TANC1: variants seen among roughly 807,000 people sequenced by gnomAD.
TANC1 encodes the protein tetratricopeptide repeat, ankyrin repeat and coiled-coil containing 1.
A neutral mutation model predicts 149.7 loss-of-function variants in TANC1; 77 were observed. The observed-to-expected ratio is 0.51, with a 90% CI of 0.43 to 0.62. TANC1 has a LOEUF of 0.62. Among genes scored for constraint, TANC1 ranks in the 20% least tolerant of loss-of-function variants. The pLI is 0.00. For missense variants in TANC1, 1,985 were observed against 2,321.8 expected (o/e 0.85, Z 2.98); for synonymous variants, 854 against 925.0 (o/e 0.92, Z 1.39).
intron 4 of TANC1, among the ~76,000 whole-genome samples, chr2:159,099,513 A>G (rs1467342210): frequency 6.6e-6 from 1 of 152,000 alleles, no homozygotes; most frequent in East Asian, 1.9e-4. Context: ...AAAAAACAAA[A>G]CAAAACAAAA....
intron 23 of TANC1, 40 bp downstream of exon 23, chr2:159,224,404 A>C: frequency 6.2e-7 from 1 of 1,612,786 alleles, no homozygotes; most frequent in Non-Finnish European, 8.5e-7. Flanking sequence ...AGGAGCGGTG[A>C]GCTCCCGATT....
intron 19 of TANC1, among the ~76,000 whole-genome samples, chr2:159,215,349 T>C (rs889107362): frequency 6.6e-6 from 1 of 152,196 alleles, no homozygotes; most frequent in Non-Finnish European, 1.5e-5. Flanking sequence ...CGGTAGAGAC[T>C]GTTCAGTAGG....
intron 4 of TANC1, among the ~76,000 whole-genome samples, chr2:159,099,874 C>T (rs981521856): frequency 3.3e-5 from 5 of 152,134 alleles, no homozygotes; most frequent in Non-Finnish European, 7.3e-5. Flanking sequence ...TCAACTCTTT[C>T]CCTAACTGCA....
intron 19 of TANC1, among the ~76,000 whole-genome samples, chr2:159,201,092 T>C (rs1049210634): frequency 6.6e-6 from 1 of 152,134 alleles, no homozygotes; most frequent in Admixed American, 6.5e-5. Flanking sequence ...GTGGACTGCA[T>C]GTCAACAAAA....
At chr2:159,174,915 G>A (rs528370453) in intron 11 of TANC1, 38 bp from the exon 12 acceptor site, 2 of 1,509,806 alleles carry the variant, frequency 1.3e-6, no homozygotes, top group Admixed American at 1.7e-5. Flanking sequence ...GCTGTGTGAA[G>A]AGGGTGAGGT....
At chr2:159,024,776 C>T (rs2039126520) in intron 2 of TANC1, among the ~76,000 whole-genome samples, 1 of 151,906 alleles carries the variant, frequency 6.6e-6, no homozygotes, top group African/African-American at 2.4e-5. Flanking sequence ...TCTTTTAGAT[C>T]ATATTTAGAT....
chr2:159,165,377 G>A (rs1382243299), intron 8 of TANC1, among the ~76,000 whole-genome samples: 1 of 152,216 alleles, frequency 6.6e-6, no homozygotes, highest in Non-Finnish European at 1.5e-5. Context: ...TTTGAGCAAA[G>A]TCTACCTGGC....
intron 1 of TANC1, among the ~76,000 whole-genome samples, chr2:158,985,620 G>A (rs1372751246): frequency 2.6e-5 from 4 of 152,112 alleles, no homozygotes; most frequent in Non-Finnish European, 4.4e-5. Flanking sequence ...ATTTTTGCCA[G>A]CTCTGGTTGA....
At chr2:159,161,178 G>A (rs1426516946) in intron 7 of TANC1, among the ~76,000 whole-genome samples, 7 of 152,198 alleles carry the variant, frequency 4.6e-5, no homozygotes, top group Non-Finnish European at 1.0e-4. Context: ...TCCCCTGCTT[G>A]AGGTCCTAGT....
At chr2:159,155,407 T>A (rs1353238124) in intron 7 of TANC1, among the ~76,000 whole-genome samples, 5 of 152,342 alleles carry the variant, frequency 3.3e-5, no homozygotes, top group Admixed American at 2.6e-4. Flanking sequence ...TTTCTTTACC[T>A]GTTGAGATGT....
At chr2:159,168,926 C>T (rs547032472) in intron 8 of TANC1, among the ~76,000 whole-genome samples, 4 of 152,214 alleles carry the variant, frequency 2.6e-5, no homozygotes, top group Admixed American at 2.6e-4. Flanking sequence ...GTGTTAAGTA[C>T]TGAAGCTTTG....
At chr2:159,188,375 G>T (rs2057177264) in intron 16 of TANC1, among the ~76,000 whole-genome samples, 1 of 152,236 alleles carries the variant, frequency 6.6e-6, no homozygotes, top group Admixed American at 6.5e-5. Flanking sequence ...GATTTTAGTT[G>T]CAGTGGCATG....
intron 4 of TANC1, among the ~76,000 whole-genome samples, chr2:159,115,564 G>A (rs1042080664): frequency 6.6e-6 from 1 of 152,180 alleles, no homozygotes; most frequent in African/African-American, 2.4e-5. Flanking sequence ...GCACATATAG[G>A]AGATTTTTGT....
At chr2:159,040,784 C>T (rs557114467) in intron 2 of TANC1, among the ~76,000 whole-genome samples, 13 of 152,300 alleles carry the variant, frequency 8.5e-5, no homozygotes, top group South Asian at 4.1e-4. Context: ...AGTCATTCTC[C>T]GTCCAGCTTT....
intron 3 of TANC1, among the ~76,000 whole-genome samples, chr2:159,071,336 A>G (rs2043139581): frequency 6.6e-6 from 1 of 152,198 alleles, no homozygotes; most frequent in Non-Finnish European, 1.5e-5. Flanking sequence ...TTGTAGTTAA[A>G]TTATTTGTGC....
chr2:158,985,890 C>G (rs764932549), intron 1 of TANC1, among the ~76,000 whole-genome samples: 9 of 152,194 alleles, frequency 5.9e-5, no homozygotes, highest in African/African-American at 2.2e-4. Context: ...ATCTGCCTGC[C>G]TTGGCCTCTC....
intron 24 of TANC1, 161 bp downstream of exon 24, chr2:159,225,940 T>G: frequency 5.9e-6 from 4 of 676,686 alleles, no homozygotes; most frequent in Non-Finnish European, 5.3e-6. Flanking sequence ...CCAGCACTTT[T>G]GGAGGCCGAG....
chr2:159,004,438 T>A lies in TANC1; in HGVS notation c.-16+3249T>A, dbSNP rs543651236. On this transcript the variant is annotated intron_variant, in intron 2 of 26. Coordinates refer to ENST00000263635, the MANE Select transcript of TANC1 (RefSeq NM_033394.3). ...TACTAGTTCAGTAATATAAATATTT[T>A]CTATATTAATAATGCTGTTTGTTCA... is the stretch of plus-strand genomic sequence containing the variant. 50 of 793,046 alleles carry A rather than the reference T, an allele frequency of 6.3e-5. 1 individual carries two copies. The African/African-American group carries it at 7.9e-4, about 13-fold the overall frequency. 49.1% of individuals were successfully genotyped at this position (793,046 alleles called of 1,614,324 possible).
chr2:158,996,202 A>C (rs2036118180), intron 1 of TANC1, among the ~76,000 whole-genome samples: 1 of 152,050 alleles, frequency 6.6e-6, no homozygotes, highest in African/African-American at 2.4e-5. Context: ...AAAATACTAA[A>C]ATTATTTGAT....
Sources: gnomAD v4.1 joint callset for allele counts (sites outside exome capture counted in the v4.1 genomes callset) on GRCh38, gnomAD v4.1.1 for gene constraint, MANE v1.5 for transcripts, NCBI Gene and HGNC (gene_info 2026-07-23, HGNC 2026-07-21) for gene names.